SMOC2: variants seen among roughly 807,000 people sequenced by gnomAD.
SMOC2 encodes the protein SPARC-related modular calcium-binding protein 2.
In SMOC2, 39 loss-of-function variants were observed where a neutral mutation model predicts 61.4. The ratio of observed to expected loss-of-function variants is 0.64; its 90% CI spans 0.49 to 0.83. The LOEUF (loss-of-function observed/expected upper bound fraction) is 0.83, where lower values mean the gene tolerates loss of function less well. Among genes scored for constraint, SMOC2 ranks in the 40% least tolerant of loss-of-function variants. The pLI is 0.00. For missense variants in SMOC2, 556 were observed against 592.9 expected (o/e 0.94, Z 0.65); for synonymous variants, 247 against 239.9 (o/e 1.03, Z -0.27).
At chr6:168,600,819 G>A (rs1785533774) in intron 8 of SMOC2, among the ~76,000 whole-genome samples, 1 of 152,218 alleles carries the variant, frequency 6.6e-6, no homozygotes, top group South Asian at 2.1e-4. Flanking sequence ...AAAGTTATTC[G>A]AGGGCCTGAA....
At chr6:168,496,799 G>T (rs2115037663) in intron 1 of SMOC2, among the ~76,000 whole-genome samples, 1 of 151,766 alleles carries the variant, frequency 6.6e-6, no homozygotes, top group East Asian at 1.9e-4. Context: ...CTTTTCAGTT[G>T]TTCCATTTCA....
Position 168,529,591 on chromosome 6 carries a change from G to A in SMOC2, c.463+1864G>A, listed in dbSNP as rs1333212664. Among the ~76,000 whole-genome samples, 6 of 152,322 alleles carry A rather than the reference G, an allele frequency of 3.9e-5. No individual in the cohort carries two copies. The South Asian group carries it at 6.2e-4, about 16-fold the overall frequency. ...TTCCCCTCCGCACACATGTGGGCAC[G>A]GCGGAGCCAGTGTCTATGCCAGGGT... is the stretch of plus-strand genomic sequence containing the variant. On this transcript the variant is annotated intron_variant, in intron 4 of 12. Coordinates refer to ENST00000356284, the MANE Select transcript of SMOC2 (RefSeq NM_001166412.2).
chr6:168,565,876 G>A (rs1224788840), intron 7 of SMOC2, among the ~76,000 whole-genome samples: 9 of 152,128 alleles, frequency 5.9e-5, no homozygotes, highest in Admixed American at 5.2e-4. Flanking sequence ...GAGGTTTGGG[G>A]GATTCTCACC....
At chr6:168,441,643 C>T (rs1781212538) in intron 1 of SMOC2, among the ~76,000 whole-genome samples, 189 bp downstream of exon 1, 1 of 152,148 alleles carries the variant, frequency 6.6e-6, no homozygotes, top group African/African-American at 2.4e-5. Flanking sequence ...CGCCTGGGAC[C>T]CGGCTGGGAT....
intron 8 of SMOC2, among the ~76,000 whole-genome samples, chr6:168,605,310 G>A (rs1785658358): frequency 6.6e-6 from 1 of 152,300 alleles, no homozygotes; most frequent in Non-Finnish European, 1.5e-5. Context: ...AGTGGGGTGT[G>A]CAGGGGATCA....
chr6:168,613,707 A>G, intron 9 of SMOC2, among the ~76,000 whole-genome samples: 1 of 134,026 alleles, frequency 7.5e-6, no homozygotes, highest in Non-Finnish European at 1.6e-5. Context: ...ACCTACAGCC[A>G]GCACAGGGCC....
chr6:168,472,016 C>T lies in SMOC2; in HGVS notation c.84+30562C>T, dbSNP rs143810239. The stretch of plus-strand genomic sequence containing the variant: ...CGTGTGTGCGTTTCCACTCTGATGA[C>T]GGTGTCATTTGATGCACAGAAGTTT... On this transcript the variant is annotated intron_variant, in intron 1 of 12. Transcript: ENST00000356284. Among the ~76,000 whole-genome samples, 1,120 of 152,270 alleles carry T rather than the reference C, an allele frequency of 7.4e-3. 10 individuals carry two copies. Among genetic ancestry groups the T allele is most frequent in the African/African-American group, 0.025 (1,037 of 41,538 alleles).
chr6:168,582,078 G>A (rs1170772357), intron 7 of SMOC2, among the ~76,000 whole-genome samples: 1 of 152,216 alleles, frequency 6.6e-6, no homozygotes, highest in Non-Finnish European at 1.5e-5. Flanking sequence ...TCAAGCTCCA[G>A]TTTGGAGACT....
chr6:168,569,194 T>C (rs186288624), intron 7 of SMOC2, among the ~76,000 whole-genome samples: 1 of 152,268 alleles, frequency 6.6e-6, no homozygotes, highest in Admixed American at 6.5e-5. Flanking sequence ...CAGCAGCTGG[T>C]GTTGTCAATG....
chr6:168,519,025 ATGTGTG>A (rs58442234), intron 2 of SMOC2, among the ~76,000 whole-genome samples: 2,964 of 76,228 alleles, frequency 0.039, 58 homozygotes, highest in Middle Eastern at 0.14. Context: ...GCATGCGAAC[ATGTGTG>A]TGTATGTGTG....
intron 1 of SMOC2, among the ~76,000 whole-genome samples, chr6:168,494,763 GC>G (rs1170850304): frequency 6.6e-6 from 1 of 152,186 alleles, no homozygotes; most frequent in Non-Finnish European, 1.5e-5. Context: ...GGCTGGAGCA[GC>G]CCCATCCCAG....
chr6:168,651,267 C>T (rs1283077619), intron 10 of SMOC2, among the ~76,000 whole-genome samples: 1 of 152,220 alleles, frequency 6.6e-6, no homozygotes, highest in Non-Finnish European at 1.5e-5. Context: ...ACATCAAAGA[C>T]ATTCACACTG....
intron 1 of SMOC2, among the ~76,000 whole-genome samples, chr6:168,442,716 T>A (rs989963562): frequency 6.6e-6 from 1 of 152,256 alleles, no homozygotes; most frequent in African/African-American, 2.4e-5. Context: ...TTTCTTTTTC[T>A]TTTTCTTTTT....
In SMOC2 at chr6:168,475,034, A is replaced by C. The variant is rs1342265480; in HGVS notation, c.84+33580A>C. Reference sequence around the variant, plus strand: ...GAGGAGAAAGAAGAAAAAAGAATGTAAGGTCGTTGTGGCTGTAGCTTCAGA... The same window carrying C: ...GAGGAGAAAGAAGAAAAAAGAATGTCAGGTCGTTGTGGCTGTAGCTTCAGA... On this transcript the variant is annotated intron_variant, in intron 1 of 12. Coordinates refer to ENST00000356284, the MANE Select transcript of SMOC2 (RefSeq NM_001166412.2). The surrounding 1 kb of genome is among the most constrained non-coding windows in gnomAD (Gnocchi z 4.6). Among the ~76,000 whole-genome samples the C allele has an allele frequency of 6.6e-6, 1 of 152,134 alleles. No homozygotes were observed. The highest frequency in any genetic ancestry group is 1.5e-5 in the Non-Finnish European group (1 of 68,000).
chr6:168,513,339 T>C (rs1024428461), intron 2 of SMOC2, among the ~76,000 whole-genome samples: 4 of 57,694 alleles, frequency 6.9e-5, no homozygotes, highest in East Asian at 1.1e-3. Context: ...TTTGTCCTTA[T>C]AGGTTTTTTT....
At chr6:168,571,885 G>T (rs28578879) in intron 7 of SMOC2, among the ~76,000 whole-genome samples, 2,200 of 44,312 alleles carry the variant, frequency 0.05, 130 homozygotes, top group African/African-American at 0.15. Context: ...CCCCGGGTGC[G>T]GGGACCAGGG....
chr6:168,548,446 C>A (rs1033166501), intron 6 of SMOC2, among the ~76,000 whole-genome samples: 1 of 150,506 alleles, frequency 6.6e-6, no homozygotes, highest in South Asian at 2.1e-4. Context: ...CAACCTCCGT[C>A]TCCTGGGCTC....
rs987306658 is a variant in SMOC2, at chr6:168,657,779, AAGAG to A, written c.1285+4560_1285+4563del. The stretch of plus-strand genomic sequence containing the variant: ...ATAGAAGGGCGAAGAGAGGGTGAGA[AAGAG>A]AGAGAGAGCAAGGGGGGCCAAACAC... On this transcript the variant is annotated intron_variant, in intron 11 of 12. Transcript: ENST00000356284. Among the ~76,000 whole-genome samples the A allele has an allele frequency of 7.0e-4, 107 of 152,106 alleles. 1 individual carries two copies. The highest frequency in any genetic ancestry group is 6.9e-3 in the Admixed American group (105 of 15,276).
intron 1 of SMOC2, among the ~76,000 whole-genome samples, chr6:168,491,491 G>A (rs1782470451): frequency 6.6e-6 from 1 of 152,118 alleles, no homozygotes; most frequent in African/African-American, 2.4e-5. Flanking sequence ...GTCACCCATG[G>A]AGCATCTTTT....
Sources: gnomAD v4.1 joint callset for allele counts (sites outside exome capture counted in the v4.1 genomes callset) on GRCh38, gnomAD v4.1.1 for gene constraint, Gnocchi (gnomAD v3.1) non-coding constraint, MANE v1.5 for transcripts, NCBI Gene and HGNC (gene_info 2026-07-23, HGNC 2026-07-21) for gene names.